PALLD: variants seen among roughly 807,000 people sequenced by gnomAD.
PALLD encodes palladin.
PALLD carries 61 observed loss-of-function variants against 123.5 expected under a neutral mutation model. The ratio of observed to expected loss-of-function variants is 0.49; its 90% CI spans 0.40 to 0.61. PALLD has a LOEUF of 0.61. PALLD is among the 20% of genes least tolerant of loss of function. The pLI, the probability that PALLD is intolerant of heterozygous loss-of-function variation, is 0.00. For missense variants in PALLD, 1,273 were observed against 1,377.0 expected, an observed-to-expected ratio of 0.92 and a Z score of 1.20; for synonymous variants, 465 against 496.4, an observed-to-expected ratio of 0.94 and a Z score of 0.84.
At chr4:168,515,317 G>T (rs371469274) in intron 2 of PALLD, among the ~76,000 whole-genome samples, 12 of 152,164 alleles carry the variant, frequency 7.9e-5, no homozygotes, top group African/African-American at 2.9e-4. Flanking sequence ...CTTTATTAAA[G>T]ATTTCCTGCA....
chr4:168,878,404 C>A, intron 10 of PALLD: 2 of 1,473,960 alleles, frequency 1.4e-6, no homozygotes, highest in Non-Finnish European at 8.9e-7. Context: ...CGTGAGTAAC[C>A]GCCGCGGTCC....
intron 8 of PALLD, among the ~76,000 whole-genome samples, chr4:168,704,737 T>C (rs1784066151): frequency 6.7e-6 from 1 of 150,292 alleles, no homozygotes; most frequent in African/African-American, 2.4e-5. Flanking sequence ...AATTTTTAAA[T>C]GGTAGAGATA....
Position 168,903,915 on chromosome 4 carries a change from G to C in PALLD, c.2622+9G>C. On this transcript the variant is annotated intron_variant, in intron 15 of 21. Transcript: ENST00000505667. ...TGGCTGCAAACCCTCAGGTAAAGAA[G>C]GGTATAGGTCTGGGCTCAGTTCTGT... The C allele has an allele frequency of 6.2e-7, 1 of 1,613,214 alleles. No homozygotes were observed. The highest frequency in any genetic ancestry group is 8.5e-7 in the Non-Finnish European group (1 of 1,179,186).
chr4:168,824,881 G>A (rs1181342094), intron 10 of PALLD, among the ~76,000 whole-genome samples: 1 of 145,094 alleles, frequency 6.9e-6, no homozygotes, highest in Non-Finnish European at 1.5e-5. Flanking sequence ...GAGTGCAGTG[G>A]CACGATCTTG....
chr4:168,914,595 G>A (rs1759717614), intron 16 of PALLD, among the ~76,000 whole-genome samples: 1 of 152,010 alleles, frequency 6.6e-6, no homozygotes, highest in South Asian at 2.1e-4. Flanking sequence ...GACACTGATG[G>A]AACAATGGTA....
Position 168,511,772 on chromosome 4 carries a change from G to A in PALLD, c.268G>A (p.Ala90Thr), listed in dbSNP as rs759817464. 37 of 1,614,046 alleles carry A rather than the reference G, an allele frequency of 2.3e-5. No homozygotes were observed. The highest frequency in any genetic ancestry group is 2.3e-4 in the African/African-American group (17 of 74,912). The change falls in exon 2 of 22, where the codon GCC becomes ACC. Residue 90 changes from alanine to threonine, a missense_variant. By Grantham distance (58) the Ala-to-Thr change is moderately conservative. Transcript: ENST00000505667. ...TAAGGAGACCAAATTGGGTGAACAC[G>A]CCTCGAGGAGACCTCAGGATAACAG... ...SHKETKLGEH[A>T]SRRPQDNRST...
intron 10 of PALLD, among the ~76,000 whole-genome samples, chr4:168,759,633 A>C (rs906542655): frequency 7.2e-5 from 11 of 152,070 alleles, no homozygotes; most frequent in Non-Finnish European, 1.5e-4. Context: ...GAGTTTGGAG[A>C]AGAATAAGAG....
rs114708120 is a variant in PALLD, at chr4:168,787,156, G to A, written c.1964+75233G>A. Reference sequence around the variant, plus strand: ...GTTTTCTTTTCCCAAGTCAGGGAGTGAAAGATGTCTGCTAATTCATTCGTG... The same window carrying A: ...GTTTTCTTTTCCCAAGTCAGGGAGTAAAAGATGTCTGCTAATTCATTCGTG... On this transcript the variant is annotated intron_variant, in intron 10 of 21. Coordinates refer to ENST00000505667, the MANE Select transcript of PALLD (RefSeq NM_001166108.2). Among the ~76,000 whole-genome samples, 955 of 152,290 alleles carry A rather than the reference G, an allele frequency of 6.3e-3. 6 individuals carry two copies. The highest frequency in any genetic ancestry group is 0.034 in the Middle Eastern group (10 of 294).
chr4:168,512,058 C>A lies in PALLD; in HGVS notation c.554C>A (p.Ala185Asp), dbSNP rs780065062. Reference protein sequence around the residue: ...LIEELTSIFKAAKPRNRSPNG... With the variant: ...LIEELTSIFKDAKPRNRSPNG... ...GAGGAGCTAACATCCATATTTAAAGCCGCAAAGCCAAGAAACAGAAGCCCA... is the reference window on the plus strand; with the variant it reads ...GAGGAGCTAACATCCATATTTAAAGACGCAAAGCCAAGAAACAGAAGCCCA... The change falls in exon 2 of 22, where the codon GCC (alanine) becomes GAC (aspartate). Residue 185 changes from alanine to aspartate, a missense_variant. Around this residue, in one of 2 missense-constraint regions of PALLD, gnomAD observed 944 missense variants for 954.5 expected, o/e 0.99. Transcript: ENST00000505667. 4 of 1,614,104 alleles carry A rather than the reference C, an allele frequency of 2.5e-6. No homozygotes were observed. The African/African-American group carries it at 4.0e-5, about 16-fold the overall frequency.
At chr4:168,755,506 G>A (rs1731721537) in intron 10 of PALLD, among the ~76,000 whole-genome samples, 1 of 151,956 alleles carries the variant, frequency 6.6e-6, no homozygotes, top group South Asian at 2.1e-4. Context: ...ATGGGGAAGG[G>A]GGATACAGTA....
intron 10 of PALLD, chr4:168,712,124 G>A: frequency 1.6e-6 from 1 of 616,566 alleles, no homozygotes; most frequent in East Asian, 2.8e-5. Context: ...GGTGAAATCT[G>A]CCCTTTGCTG....
At chr4:168,819,783 T>C (rs1742462527) in intron 10 of PALLD, among the ~76,000 whole-genome samples, 1 of 152,204 alleles carries the variant, frequency 6.6e-6, no homozygotes, top group Non-Finnish European at 1.5e-5. Flanking sequence ...AGTAAATATA[T>C]ATTTATAGAA....
At chr4:168,836,309 G>T (rs1409015549) in intron 10 of PALLD, among the ~76,000 whole-genome samples, 1 of 152,200 alleles carries the variant, frequency 6.6e-6, no homozygotes, top group Non-Finnish European at 1.5e-5. Flanking sequence ...AGGCGTAATG[G>T]CTTATTTGAT....
At position 168,898,522 on chromosome 4, in the gene PALLD, A is replaced by T; in HGVS notation, c.2280A>T (p.Arg760Ser). 6.2e-7 allele frequency: 1 copy of T among 1,613,540 alleles called. No homozygotes were observed. Among genetic ancestry groups the T allele is most frequent in the Non-Finnish European group, 8.5e-7 (1 of 1,179,482 alleles). The change falls in exon 14 of 22, where the codon AGA becomes AGT. Residue 760 changes from arginine (R) to serine (S), a missense_variant. Arg to Ser is a moderately radical substitution (Grantham distance 110). Around this residue, in one of 2 missense-constraint regions of PALLD, gnomAD observed 944 missense variants for 954.5 expected, o/e 0.99. Coordinates refer to ENST00000505667, the MANE Select transcript of PALLD (RefSeq NM_001166108.2). ...ACAAAGTCTCCAGCTGTGAACAGAG[A>T]CTCATCAGTGAAATAGAGTACAGGC... The part of the protein sequence containing the change: ...KEYKVSSCEQ[R>S]LISEIEYRLE...
intron 10 of PALLD, chr4:168,756,058 G>A (rs146662029): frequency 2.3e-5 from 4 of 171,106 alleles, no homozygotes; most frequent in East Asian, 1.9e-4. Context: ...GATCAAGGGC[G>A]TTATACTGGG....
chr4:168,908,122 G>A (rs1758189143), intron 15 of PALLD, among the ~76,000 whole-genome samples: 1 of 152,200 alleles, frequency 6.6e-6, no homozygotes, highest in Non-Finnish European at 1.5e-5. Flanking sequence ...TTTGTTCCAA[G>A]TTTCTGAGCA....
chr4:168,907,641 T>C (rs1439583930), intron 15 of PALLD, among the ~76,000 whole-genome samples: 1 of 152,174 alleles, frequency 6.6e-6, no homozygotes, highest in African/African-American at 2.4e-5. Context: ...ACTGCCCTTA[T>C]TCCAGGCCCC....
chr4:168,758,908 C>T (rs112094418), intron 10 of PALLD, among the ~76,000 whole-genome samples: 3,421 of 151,812 alleles, frequency 0.023, 134 homozygotes, highest in African/African-American at 0.077. Context: ...GGCATGGTGG[C>T]TCATGCCTGT....
chr4:168,738,677 C>T lies in PALLD; in HGVS notation c.1964+26754C>T, dbSNP rs914468377. Among the ~76,000 whole-genome samples, 57 of 149,620 alleles carry T rather than the reference C, an allele frequency of 3.8e-4. 1 individual carries two copies. Among genetic ancestry groups the T allele is most frequent in the South Asian group, 3.4e-3 (16 of 4,670 alleles). ...ATCTCCTGACCTCAGGTGATCCGCC[C>T]GCCTCGGCCTCCCAAAGTGCTGGGG... On this transcript the variant is annotated intron_variant, in intron 10 of 21. Transcript: ENST00000505667.
Sources: allele counts gnomAD v4.1 joint callset (sites outside exome capture counted in the v4.1 genomes callset), GRCh38; gene constraint gnomAD v4.1.1; regional missense constraint gnomAD v4.1.1; transcripts MANE v1.5; gene names NCBI Gene and HGNC (gene_info 2026-07-23, HGNC 2026-07-21).